The following GPC5 variants were observed in gnomAD, a reference collection of about 807,000 sequenced individuals.
GPC5 encodes the protein glypican-5.
In GPC5, 47 loss-of-function variants were observed where a neutral mutation model predicts 53.9. The observed-to-expected ratio is 0.87, with a 90% confidence interval of 0.69 to 1.11. GPC5 has a LOEUF of 1.11. Among genes scored for constraint, GPC5 ranks in the 50% most tolerant of loss-of-function variants. The pLI, the probability that GPC5 is intolerant of heterozygous loss-of-function variation, is 0.00. For synonymous variants in GPC5, 286 were observed against 263.3 expected (o/e 1.09, Z -0.84); for missense variants, 748 against 713.1 (o/e 1.05, Z -0.56).
intron 7 of GPC5, among the ~76,000 whole-genome samples, chr13:92,222,395 C>T (rs1013535323): frequency 2.2e-4 from 34 of 152,078 alleles, no homozygotes; most frequent in African/African-American, 6.5e-4. Flanking sequence ...TAAACTGAGA[C>T]GATAGAAATT....
intron 1 of GPC5, among the ~76,000 whole-genome samples, chr13:91,439,480 T>C (rs575044244): frequency 6.6e-6 from 1 of 152,396 alleles, no homozygotes; most frequent in East Asian, 1.9e-4. Flanking sequence ...TGCCCCAGTT[T>C]ATATTTTCAA....
At chr13:91,622,306 A>G (rs2033882727) in intron 2 of GPC5, among the ~76,000 whole-genome samples, 1 of 152,120 alleles carries the variant, frequency 6.6e-6, no homozygotes, top group Non-Finnish European at 1.5e-5. Context: ...TCATTTATCA[A>G]TCTTCCATTA....
intron 7 of GPC5, among the ~76,000 whole-genome samples, chr13:92,263,033 A>G (rs1594047319): frequency 6.6e-6 from 1 of 152,186 alleles, no homozygotes; most frequent in South Asian, 2.1e-4. Context: ...ACCTTGGTTT[A>G]TATTTTTATG....
At chr13:92,276,335 A>G (rs2042875612) in intron 7 of GPC5, among the ~76,000 whole-genome samples, 1 of 152,112 alleles carries the variant, frequency 6.6e-6, no homozygotes, top group African/African-American at 2.4e-5. Context: ...TTTTCTCAGA[A>G]TGGTTTGTTT....
chr13:91,946,197 T>C (rs1594679894), intron 6 of GPC5, among the ~76,000 whole-genome samples: 1 of 152,196 alleles, frequency 6.6e-6, no homozygotes, highest in Non-Finnish European at 1.5e-5. Flanking sequence ...ATTTGAAATT[T>C]GGGGTCTTTC....
At chr13:91,872,815 T>C (rs1377053468) in intron 5 of GPC5, among the ~76,000 whole-genome samples, 2 of 152,098 alleles carry the variant, frequency 1.3e-5, no homozygotes, top group Admixed American at 6.5e-5. Flanking sequence ...GAAAATGAAG[T>C]CAATATTAAA....
At chr13:92,058,259 T>C (rs997242143) in intron 6 of GPC5, among the ~76,000 whole-genome samples, 1 of 152,188 alleles carries the variant, frequency 6.6e-6, no homozygotes, top group African/African-American at 2.4e-5. Flanking sequence ...ATTTCTAGTC[T>C]CAAGCGATCC....
intron 6 of GPC5, among the ~76,000 whole-genome samples, chr13:92,095,978 T>C (rs553457165): frequency 1.4e-4 from 21 of 152,326 alleles, no homozygotes; most frequent in Non-Finnish European, 2.9e-4. Context: ...ATAAAGTGAC[T>C]TTCCCAAGGT....
chr13:92,671,991 G>A (rs1886768939), intron 7 of GPC5, among the ~76,000 whole-genome samples: 1 of 152,150 alleles, frequency 6.6e-6, no homozygotes, highest in African/African-American at 2.4e-5. Context: ...GGAATATAGT[G>A]CAGGGCCATT....
At chr13:92,143,748 A>T (rs934082283) in intron 6 of GPC5, among the ~76,000 whole-genome samples, 4 of 152,150 alleles carry the variant, frequency 2.6e-5, no homozygotes, top group African/African-American at 9.6e-5. Flanking sequence ...CATGATAAAC[A>T]TATTTATGTT....
intron 6 of GPC5, among the ~76,000 whole-genome samples, chr13:92,057,386 T>C (rs2041083965): frequency 6.6e-6 from 1 of 152,196 alleles, no homozygotes; most frequent in African/African-American, 2.4e-5. Context: ...CAAATCCAGC[T>C]AAGCCTTGCC....
At chr13:92,245,003 A>C (rs1166590963) in intron 7 of GPC5, among the ~76,000 whole-genome samples, 1 of 146,874 alleles carries the variant, frequency 6.8e-6, no homozygotes, top group African/African-American at 2.6e-5. Flanking sequence ...GGGCCACTGC[A>C]CTCCAGTCCT....
At chr13:91,742,370 G>A (rs547191010) in intron 4 of GPC5, among the ~76,000 whole-genome samples, 1 of 152,200 alleles carries the variant, frequency 6.6e-6, no homozygotes, top group South Asian at 2.1e-4. Flanking sequence ...GCATTGAAAA[G>A]TACTTTGCTC....
At chr13:92,061,110 G>A (rs2041119615) in intron 6 of GPC5, among the ~76,000 whole-genome samples, 1 of 151,920 alleles carries the variant, frequency 6.6e-6, no homozygotes, top group Admixed American at 6.6e-5. Context: ...ATAATACATA[G>A]CACTTTATTG....
At chr13:92,729,326 A>G (rs1174548786) in intron 7 of GPC5, among the ~76,000 whole-genome samples, 1 of 151,392 alleles carries the variant, frequency 6.6e-6, no homozygotes, top group East Asian at 1.9e-4. Flanking sequence ...GGTAGCCACT[A>G]ACTACATATG....
intron 7 of GPC5, among the ~76,000 whole-genome samples, chr13:92,585,510 A>T (rs1883509173): frequency 6.6e-6 from 1 of 152,148 alleles, no homozygotes; most frequent in Non-Finnish European, 1.5e-5. Context: ...TTGATTTTAC[A>T]GGCTCATGGG....
At chr13:91,779,817 A>C (rs961688131) in intron 5 of GPC5, among the ~76,000 whole-genome samples, 54 of 152,164 alleles carry the variant, frequency 3.5e-4, no homozygotes, top group African/African-American at 1.3e-3. Flanking sequence ...AGACTCTGTC[A>C]TCTCCTATGA....
At chr13:91,618,173 A>G (rs2033751362) in intron 2 of GPC5, among the ~76,000 whole-genome samples, 1 of 152,130 alleles carries the variant, frequency 6.6e-6, no homozygotes, top group African/African-American at 2.4e-5. Context: ...ACATGTTTAA[A>G]TGATTTAGAA....
chr13:91,406,596 A>G (rs2138761772), intron 1 of GPC5, among the ~76,000 whole-genome samples: 1 of 152,346 alleles, frequency 6.6e-6, no homozygotes, highest in South Asian at 2.1e-4. Flanking sequence ...ACTCTGGGAC[A>G]CTAAAAGACC....
Sources: gnomAD v4.1 joint callset for allele counts (sites outside exome capture counted in the v4.1 genomes callset) on GRCh38, gnomAD v4.1.1 for gene constraint, MANE v1.5 for transcripts, NCBI Gene and HGNC (gene_info 2026-07-23, HGNC 2026-07-21) for gene names.